Variants in ASIC2 observed in about 807,000 individuals in gnomAD.
ASIC2 encodes the protein acid sensing ion channel subunit 2.
In ASIC2, 25 loss-of-function variants were observed where a neutral mutation model predicts 57.3. The ratio of observed to expected loss-of-function variants is 0.44; its 90% CI spans 0.32 to 0.61. The LOEUF is 0.61. Ranked by LOEUF, ASIC2 falls within the 20% of genes least tolerant of loss-of-function variation. The pLI is 0.06. For synonymous variants in ASIC2, 319 were observed against 307.5 expected, an observed-to-expected ratio of 1.04 and a Z score of -0.39; for missense variants, 641 against 738.1, an observed-to-expected ratio of 0.87 and a Z score of 1.52.
At chr17:33,993,143 A>T (rs1440484177) in intron 1 of ASIC2, among the ~76,000 whole-genome samples, 1 of 152,210 alleles carries the variant, frequency 6.6e-6, no homozygotes, top group Non-Finnish European at 1.5e-5. Context: ...TCAGTGCTCC[A>T]GTGCCCATGA....
At chr17:33,232,441 T>A (rs373882838) in intron 1 of ASIC2, among the ~76,000 whole-genome samples, 40 of 119,554 alleles carry the variant, frequency 3.3e-4, no homozygotes, top group Admixed American at 6.6e-4. Flanking sequence ...TATGGTATGG[T>A]ATGGAATGGT....
intron 1 of ASIC2, among the ~76,000 whole-genome samples, chr17:34,124,587 G>A (rs1911719716): frequency 6.6e-6 from 1 of 152,098 alleles, no homozygotes; most frequent in South Asian, 2.1e-4. Flanking sequence ...CACAGACTAG[G>A]TGGCTTAAGG....
intron 1 of ASIC2, among the ~76,000 whole-genome samples, chr17:34,072,503 T>C (rs1909453317): frequency 6.6e-6 from 1 of 152,242 alleles, no homozygotes; most frequent in African/African-American, 2.4e-5. Context: ...CTTTAAAAAC[T>C]TGAATTTTTA....
At chr17:33,085,462 T>C (rs377086803) in intron 3 of ASIC2, among the ~76,000 whole-genome samples, 9 of 152,230 alleles carry the variant, frequency 5.9e-5, no homozygotes, top group Non-Finnish European at 1.3e-4. Flanking sequence ...CTGGATAGAT[T>C]TGCATACTCA....
intron 1 of ASIC2, among the ~76,000 whole-genome samples, chr17:33,874,501 C>T (rs547660341): frequency 9.8e-5 from 15 of 152,354 alleles, no homozygotes; most frequent in Admixed American, 2.0e-4. Context: ...CTGAAGCCAA[C>T]CATTCTTCCT....
intron 1 of ASIC2, among the ~76,000 whole-genome samples, chr17:33,736,516 A>G (rs1909916086): frequency 6.6e-6 from 1 of 152,188 alleles, no homozygotes; most frequent in Non-Finnish European, 1.5e-5. Flanking sequence ...GATCCCAGGC[A>G]TCTGTTTCCT....
intron 2 of ASIC2, among the ~76,000 whole-genome samples, chr17:33,110,246 C>T (rs2092251551): frequency 6.6e-6 from 1 of 152,174 alleles, no homozygotes; most frequent in Non-Finnish European, 1.5e-5. Flanking sequence ...GTTCTGGTGT[C>T]TGCAAGAAGG....
chr17:34,075,081 G>A (rs1291323745), intron 1 of ASIC2, among the ~76,000 whole-genome samples: 3 of 152,028 alleles, frequency 2.0e-5, no homozygotes, highest in Admixed American at 6.6e-5. Flanking sequence ...CACCGCGCCC[G>A]GCCAGAGTGT....
chr17:34,068,442 T>C (rs1366612757), intron 1 of ASIC2, among the ~76,000 whole-genome samples: 1 of 152,168 alleles, frequency 6.6e-6, no homozygotes, highest in Admixed American at 6.5e-5. Flanking sequence ...CTATTATACC[T>C]TCCAACAGCC....
chr17:33,075,714 C>T (rs577127464), intron 3 of ASIC2, among the ~76,000 whole-genome samples: 3 of 152,098 alleles, frequency 2.0e-5, no homozygotes, highest in Non-Finnish European at 2.9e-5. Context: ...CAGCTGAGCC[C>T]CTACTATGTC....
intron 3 of ASIC2, among the ~76,000 whole-genome samples, chr17:33,071,188 T>C (rs1343490537): frequency 6.6e-6 from 1 of 152,192 alleles, no homozygotes; most frequent in Non-Finnish European, 1.5e-5. Context: ...ATAAAATTTT[T>C]GTTTCTGCCC....
chr17:33,032,394 G>T, intron 3 of ASIC2, among the ~76,000 whole-genome samples: 2 of 140,550 alleles, frequency 1.4e-5, no homozygotes, highest in African/African-American at 5.4e-5. Context: ...TTGCTTCTGT[G>T]TCATATATTT....
intron 1 of ASIC2, among the ~76,000 whole-genome samples, chr17:33,260,299 C>A (rs1280094656): frequency 6.6e-6 from 1 of 152,158 alleles, no homozygotes; most frequent in Non-Finnish European, 1.5e-5. Flanking sequence ...TCTCCAACCA[C>A]AAAAGTAGCA....
intron 1 of ASIC2, among the ~76,000 whole-genome samples, chr17:33,419,327 G>T (rs1024822228): frequency 6.6e-6 from 1 of 152,210 alleles, no homozygotes; most frequent in African/African-American, 2.4e-5. Context: ...TGTGTTTAAA[G>T]AAATAATGTC....
intron 1 of ASIC2, among the ~76,000 whole-genome samples, chr17:33,187,520 T>A (rs928399440): frequency 1.3e-5 from 2 of 152,180 alleles, no homozygotes; most frequent in African/African-American, 4.8e-5. Context: ...AATAAAGATG[T>A]GTTTGAGCCT....
rs79261400 is a variant in ASIC2 at position 33,190,045 on chromosome 17, G to A, written c.709-77978C>T. ...GCAAAGGTCCTAACTAGTGCAGTAA[G>A]ACAAGAAAAACAAACAGAAGGCATA... On this transcript the variant is annotated intron_variant, in intron 1 of 9. Transcript: ENST00000225823. 6.6e-4 allele frequency among the ~76,000 whole-genome samples: 101 copies of A among 152,122 alleles called. 1 individual carries two copies. The East Asian group carries it at 0.018, about 27-fold the overall frequency.
chr17:34,025,010 T>C (rs1287280480), intron 1 of ASIC2, among the ~76,000 whole-genome samples: 1 of 152,202 alleles, frequency 6.6e-6, no homozygotes, highest in Admixed American at 6.5e-5. Flanking sequence ...ACATGGGGCC[T>C]CTTGGAGGCC....
chr17:33,582,221 C>A (rs571193780), intron 1 of ASIC2, among the ~76,000 whole-genome samples: 1 of 152,116 alleles, frequency 6.6e-6, no homozygotes, highest in African/African-American at 2.4e-5. Context: ...GACAGTAATG[C>A]GTTGTGAGCA....
intron 1 of ASIC2, among the ~76,000 whole-genome samples, chr17:33,403,493 A>G (rs766418831): frequency 6.6e-6 from 1 of 152,208 alleles, no homozygotes; most frequent in Non-Finnish European, 1.5e-5. Context: ...AAGACTGTCT[A>G]TCTTACTTGC....
Sources: allele counts gnomAD v4.1 joint callset (sites outside exome capture counted in the v4.1 genomes callset), GRCh38; gene constraint gnomAD v4.1.1; transcripts MANE v1.5; gene names NCBI Gene and HGNC (gene_info 2026-07-23, HGNC 2026-07-21).